Variants in PPIL2 observed in about 807,000 individuals in gnomAD.
PPIL2 encodes the protein peptidylprolyl isomerase like 2, also known as RING-type E3 ubiquitin-protein ligase PPIL2.
A neutral mutation model predicts 75.2 loss-of-function variants in PPIL2; 50 were observed. The observed-to-expected ratio is 0.66, with a 90% confidence interval of 0.53 to 0.84. The LOEUF (loss-of-function observed/expected upper bound fraction) is 0.84, where lower values mean the gene tolerates loss of function less well. Ranked by LOEUF, PPIL2 falls within the 40% of genes least tolerant of loss-of-function variation. PPIL2 has a pLI of 0.00. For missense variants in PPIL2, 590 were observed against 685.0 expected (o/e 0.86, Z 1.55); for synonymous variants, 245 against 258.8 (o/e 0.95, Z 0.51).
intron 12 of PPIL2, 124 bp downstream of exon 12, chr22:21,687,122 G>T: frequency 1.1e-6 from 1 of 922,810 alleles, no homozygotes; most frequent in Non-Finnish European, 1.7e-6. Context: ...CCTGTCACTA[G>T]GCGGGACCCG....
intron 4 of PPIL2, among the ~76,000 whole-genome samples, chr22:21,671,577 C>CT (rs61199826): frequency 0.25 from 36,988 of 149,072 alleles, 4,521 homozygotes; most frequent in Middle Eastern, 0.31. Context: ...TTGTTCTTTT[C>CT]TTTTTTTTTT....
intron 15 of PPIL2, among the ~76,000 whole-genome samples, chr22:21,691,344 T>C (rs748082201): frequency 2.8e-4 from 42 of 152,210 alleles, no homozygotes; most frequent in Non-Finnish European, 5.4e-4. Context: ...CTTTAATTTG[T>C]TACAGCTTTG....
At chr22:21,666,999 A>T (rs538447173) in intron 1 of PPIL2, among the ~76,000 whole-genome samples, 3 of 127,962 alleles carry the variant, frequency 2.3e-5, no homozygotes, top group Admixed American at 8.1e-5. Context: ...TCTCAACAGT[A>T]TGTCACACCG....
At chr22:21,683,950 G>A (rs1454439279) in intron 9 of PPIL2, among the ~76,000 whole-genome samples, 1 of 152,368 alleles carries the variant, frequency 6.6e-6, no homozygotes, top group South Asian at 2.1e-4. Flanking sequence ...GCTTATGCCT[G>A]TAACCCCAGC....
At chr22:21,682,786 C>G (rs2067185880) in intron 8 of PPIL2, among the ~76,000 whole-genome samples, 1 of 152,274 alleles carries the variant, frequency 6.6e-6, no homozygotes, top group South Asian at 2.1e-4. Flanking sequence ...ATGAAAAACA[C>G]TGACTTAGAA....
chr22:21,696,652 GC>G lies in PPIL2; in HGVS notation c.*1164del. 2 of 1,522,342 alleles carry G rather than the reference GC, an allele frequency of 1.3e-6. No individual in the cohort carries two copies. Among genetic ancestry groups the G allele is most frequent in the East Asian group, 2.4e-5 (1 of 40,888 alleles). The allele number at this position is 1,522,342 out of a possible 1,614,324, so 94.3% of individuals were successfully genotyped here. A position where few individuals can be genotyped will look rare whatever the true frequency, so the allele number is the denominator to read the frequency against. On this transcript the variant is annotated 3_prime_UTR_variant, in exon 20 of 20. Coordinates refer to ENST00000398831, the MANE Select transcript of PPIL2 (RefSeq NM_014337.4). ...CTCTTGGGCTCCCTGTTGCCCTCAG[GC>G]CACCCCCCACTTCTAGTTCTTCACA...
intron 15 of PPIL2, among the ~76,000 whole-genome samples, chr22:21,690,381 G>C (rs1236002000): frequency 6.9e-6 from 1 of 144,626 alleles, no homozygotes; most frequent in Non-Finnish European, 1.5e-5. Context: ...GACCCTGTCT[G>C]GAAAAAAAAA....
chr22:21,668,579 A>T (rs927562920), intron 1 of PPIL2, among the ~76,000 whole-genome samples: 6 of 151,060 alleles, frequency 4.0e-5, no homozygotes, highest in African/African-American at 1.5e-4. Flanking sequence ...CAGTGAGCCG[A>T]CATTGCACAA....
intron 3 of PPIL2, 139 bp from the exon 4 acceptor site, chr22:21,670,858 G>A (rs2066604996): frequency 1.1e-6 from 1 of 932,134 alleles, no homozygotes; most frequent in Non-Finnish European, 1.8e-6. Context: ...GAGAAGGTTG[G>A]TGAGAGAGGG....
chr22:21,686,023 G>A (rs146589967), intron 10 of PPIL2, among the ~76,000 whole-genome samples: 17 of 152,092 alleles, frequency 1.1e-4, no homozygotes, highest in South Asian at 6.2e-4. Flanking sequence ...TCAGCCAGGC[G>A]TGGTGGCATG....
Position 21,696,922 on chromosome 22 carries a change from T to C in PPIL2, c.*1432T>C. 1 of 1,589,936 alleles carries C rather than the reference T, an allele frequency of 6.3e-7. No homozygotes were observed. Among genetic ancestry groups the C allele is most frequent in the South Asian group, 1.2e-5 (1 of 86,668 alleles). The stretch of plus-strand genomic sequence containing the variant: ...CCACTAGAGGTATGTCTGCCCCTCG[T>C]CACCCTGCTGCACACCAATCTGTGG... On this transcript the variant is annotated 3_prime_UTR_variant, in exon 20 of 20. Transcript: ENST00000398831.
In PPIL2 at chr22:21,688,841, G is replaced by T. The variant is rs774089484; in HGVS notation, c.1131G>T (p.Arg377Ser). ...CCAACTCCGGGCCCAACAGCAACAG[G>T]TCTCAATTGTGAGTCAGCTGGGCTT... ...SMANSGPNSNRSQFFITFRSC... is the reference protein window; with the variant it reads ...SMANSGPNSNSSQFFITFRSC... The change falls in exon 15 of 20, where the codon AGG (arginine) becomes AGT (serine). Residue 377 changes from arginine to serine, a missense_variant. Arg to Ser is a moderately radical substitution (Grantham distance 110). Transcript: ENST00000398831. 15 of 1,614,082 alleles carry T rather than the reference G, an allele frequency of 9.3e-6. 1 individual carries two copies. In the South Asian group the frequency reaches 1.6e-4, roughly 18 times the overall value.
intron 4 of PPIL2, 151 bp downstream of exon 4, chr22:21,671,210 C>A: frequency 1.2e-6 from 1 of 815,580 alleles, no homozygotes; most frequent in Admixed American, 1.9e-5. Context: ...TGCTGTGACC[C>A]TTGGGCAGGC....
chr22:21,680,577 C>T (rs1224249161), intron 6 of PPIL2, among the ~76,000 whole-genome samples: 1 of 150,344 alleles, frequency 6.7e-6, no homozygotes, highest in East Asian at 2.0e-4. Context: ...CACCTGTAAT[C>T]CCAGCACTTT....
intron 11 of PPIL2, 69 bp downstream of exon 11, chr22:21,686,627 C>G (rs934669581): frequency 1.4e-6 from 2 of 1,475,666 alleles, no homozygotes; most frequent in South Asian, 2.3e-5. Flanking sequence ...GTGTGCTCCC[C>G]GACTCCCACT....
chr22:21,694,688 C>T (rs762257441), intron 17 of PPIL2, 23 bp downstream of exon 17: 23 of 1,613,478 alleles, frequency 1.4e-5, no homozygotes, highest in South Asian at 4.4e-5. Flanking sequence ...GGAGGTGGGG[C>T]GTGGCGGCTG....
intron 15 of PPIL2, among the ~76,000 whole-genome samples, chr22:21,692,515 T>C (rs1369188850): frequency 6.6e-6 from 1 of 151,514 alleles, no homozygotes; most frequent in Admixed American, 6.6e-5. Flanking sequence ...TCTATGATCT[T>C]GTTGCTTTCT....
intron 6 of PPIL2, 106 bp from the exon 7 acceptor site, chr22:21,681,193 A>G (rs2067115201): frequency 4.5e-6 from 4 of 885,110 alleles, no homozygotes; most frequent in Non-Finnish European, 7.4e-6. Context: ...ACCTCCTCCC[A>G]TCGCTGACTT....
At chr22:21,692,033 C>CA (rs2067665172) in intron 15 of PPIL2, among the ~76,000 whole-genome samples, 1 of 150,356 alleles carries the variant, frequency 6.7e-6, no homozygotes. Flanking sequence ...TCCGTGCCGC[C>CA]AGCGCCGGGA....
Sources: gnomAD v4.1 joint callset for allele counts (sites outside exome capture counted in the v4.1 genomes callset) on GRCh38, gnomAD v4.1.1 for gene constraint, MANE v1.5 for transcripts, NCBI Gene and HGNC (gene_info 2026-07-23, HGNC 2026-07-21) for gene names.